Variants in MAP2K5 observed in about 807,000 individuals in gnomAD.
The protein encoded by MAP2K5 is mitogen-activated protein kinase kinase 5, also known as dual specificity mitogen-activated protein kinase kinase 5.
MAP2K5 carries 49 observed loss-of-function variants against 83.1 expected under a neutral mutation model. That is an observed-to-expected ratio of 0.59 (90% CI 0.47 to 0.75). The LOEUF (loss-of-function observed/expected upper bound fraction) is 0.75. Ranked by LOEUF, MAP2K5 falls within the 30% of genes least tolerant of loss-of-function variation. MAP2K5 has a pLI of 0.00. For synonymous variants in MAP2K5, 202 were observed against 191.8 expected (o/e 1.05, Z -0.44); for missense variants, 457 against 557.5 (o/e 0.82, Z 1.82).
intron 15 of MAP2K5, among the ~76,000 whole-genome samples, chr15:67,694,823 G>A (rs550355641): frequency 7.2e-5 from 11 of 152,030 alleles, no homozygotes; most frequent in Admixed American, 5.2e-4. Context: ...TGTTTATTGT[G>A]GCATTATTCA....
chr15:67,732,860 C>T (rs988097840), intron 17 of MAP2K5, among the ~76,000 whole-genome samples: 6 of 152,220 alleles, frequency 3.9e-5, no homozygotes, highest in African/African-American at 1.4e-4. Context: ...TTTTCACTGG[C>T]ATGGGAGAGT....
At chr15:67,715,057 A>T (rs2088796545) in intron 16 of MAP2K5, among the ~76,000 whole-genome samples, 1 of 152,138 alleles carries the variant, frequency 6.6e-6, no homozygotes, top group African/African-American at 2.4e-5. Flanking sequence ...TCCATGGAAG[A>T]TTTTATAGGA....
In MAP2K5 at chr15:67,666,193, C is replaced by G. The variant is rs193116027; in HGVS notation, c.847+1548C>G. ...CTGTCTCTGGGCATACAGGTTAATT[C>G]TGGCTTGTAATGAAATCCCTCTCTA... On this transcript the variant is annotated intron_variant, in intron 13 of 21. Coordinates refer to ENST00000178640, the MANE Select transcript of MAP2K5 (RefSeq NM_145160.3). 7.5e-4 allele frequency among the ~76,000 whole-genome samples: 114 copies of G among 152,256 alleles called. 2 individuals are homozygous for G. The highest frequency in any genetic ancestry group is 5.8e-3 in the Admixed American group (89 of 15,272).
chr15:67,606,808 C>T (rs961115532), intron 8 of MAP2K5, among the ~76,000 whole-genome samples: 14 of 152,108 alleles, frequency 9.2e-5, no homozygotes, highest in Non-Finnish European at 1.8e-4. Context: ...CATAAATTGT[C>T]TAGTTAAATG....
At chr15:67,556,419 C>G (rs536419806) in intron 2 of MAP2K5, among the ~76,000 whole-genome samples, 2 of 152,154 alleles carry the variant, frequency 1.3e-5, no homozygotes, top group African/African-American at 4.8e-5. Context: ...TTTTTTCCTT[C>G]TACTTTAATG....
rs2084995441 is a variant in MAP2K5 at position 67,573,696 on chromosome 15, A to G, written c.253-7058A>G. 6.6e-6 allele frequency among the ~76,000 whole-genome samples: 1 copy of G among 152,162 alleles called. No individual in the cohort carries two copies. Among genetic ancestry groups the G allele is most frequent in the Admixed American group, 6.5e-5 (1 of 15,288 alleles). ...AGAGTTAAGGGAACAGGTTAATAGC[A>G]TTTACCAAACAGATTCAGGACTTAA... On this transcript the variant is annotated intron_variant, in intron 3 of 21. Transcript: ENST00000178640. The surrounding 1 kb of genome is among the most constrained non-coding windows in gnomAD (Gnocchi z 4.2).
chr15:67,754,262 A>G (rs549439551), intron 19 of MAP2K5, among the ~76,000 whole-genome samples: 1 of 152,310 alleles, frequency 6.6e-6, no homozygotes, highest in South Asian at 2.1e-4. Flanking sequence ...TTTTATCTAA[A>G]TTTTAAATGT....
rs998654889 is a variant in MAP2K5, at chr15:67,552,965, A to G, written c.184+2883A>G. ...CATGGTAAAAAGAAGTTTACTTTGTACTTTTTACTTGCTTTTCGGATCCCC... is the reference window on the plus strand; with the variant it reads ...CATGGTAAAAAGAAGTTTACTTTGTGCTTTTTACTTGCTTTTCGGATCCCC... On this transcript the variant is annotated intron_variant, in intron 2 of 21. Coordinates refer to ENST00000178640, the MANE Select transcript of MAP2K5 (RefSeq NM_145160.3). This position sits in a 1 kb window ranked among gnomAD's most constrained non-coding sequence, Gnocchi z 4.2. Among the ~76,000 whole-genome samples the G allele has an allele frequency of 6.6e-6, 1 of 152,136 alleles. No homozygotes were observed. Among genetic ancestry groups the G allele is most frequent in the Non-Finnish European group, 1.5e-5 (1 of 68,028 alleles).
intron 8 of MAP2K5, among the ~76,000 whole-genome samples, chr15:67,630,473 C>G (rs1032334790): frequency 6.6e-6 from 1 of 151,394 alleles, no homozygotes; most frequent in Non-Finnish European, 1.5e-5. Context: ...AAAAAAAAAG[C>G]AAAATGGCTC....
Position 67,757,575 on chromosome 15 carries a change from A to G in MAP2K5, c.1134+8974A>G, listed in dbSNP as rs898467297. Among the ~76,000 whole-genome samples the G allele has an allele frequency of 3.9e-5, 6 of 152,162 alleles. No individual in the cohort carries two copies. The highest frequency in any genetic ancestry group is 8.8e-5 in the Non-Finnish European group (6 of 68,022). ...CATTCTGTAAACCTGTGTTAATCCC[A>G]GAGCTCGGTACCGGGGATAGAGAAT... On this transcript the variant is annotated intron_variant, in intron 19 of 21. Coordinates refer to ENST00000178640, the MANE Select transcript of MAP2K5 (RefSeq NM_145160.3). This position sits in a 1 kb window ranked among gnomAD's most constrained non-coding sequence, Gnocchi z 4.9.
chr15:67,672,843 G>T (rs1200864635), intron 13 of MAP2K5, among the ~76,000 whole-genome samples: 1 of 151,114 alleles, frequency 6.6e-6, no homozygotes, highest in African/African-American at 2.4e-5. Context: ...TTTGTATAAG[G>T]TGTAAGGAAG....
At chr15:67,740,871 T>C (rs1274032609) in intron 17 of MAP2K5, among the ~76,000 whole-genome samples, 1 of 151,874 alleles carries the variant, frequency 6.6e-6, no homozygotes, top group African/African-American at 2.4e-5. Context: ...CTACTAAAAA[T>C]ACAAAAATTA....
At chr15:67,673,299 A>G (rs1448686456) in intron 13 of MAP2K5, among the ~76,000 whole-genome samples, 13 of 152,256 alleles carry the variant, frequency 8.5e-5, no homozygotes, top group African/African-American at 3.1e-4. Context: ...CTTTTTAAGG[A>G]AGGAATTTTG....
intron 11 of MAP2K5, among the ~76,000 whole-genome samples, chr15:67,651,419 A>G (rs1326299879): frequency 6.6e-6 from 1 of 152,286 alleles, no homozygotes; most frequent in East Asian, 1.9e-4. Flanking sequence ...GAAATATACA[A>G]TAAATTATTA....
intron 14 of MAP2K5, among the ~76,000 whole-genome samples, chr15:67,693,205 C>A (rs2088160514): frequency 6.6e-6 from 1 of 152,214 alleles, no homozygotes; most frequent in Admixed American, 6.5e-5. Context: ...TGAGTGTGTT[C>A]AAATTCTGCT....
intron 2 of MAP2K5, among the ~76,000 whole-genome samples, chr15:67,560,470 A>G (rs1435388841): frequency 1.3e-5 from 2 of 152,270 alleles, no homozygotes; most frequent in African/African-American, 2.4e-5. Flanking sequence ...TTAACCCACA[A>G]CAACTATTCA....
chr15:67,590,047 T>A (rs2085364142), intron 6 of MAP2K5, among the ~76,000 whole-genome samples: 1 of 152,174 alleles, frequency 6.6e-6, no homozygotes, highest in African/African-American at 2.4e-5. Flanking sequence ...TTTTTCCATA[T>A]ATGTTTCAGC....
chr15:67,596,622 C>T (rs1472724839), intron 7 of MAP2K5, among the ~76,000 whole-genome samples: 3 of 152,138 alleles, frequency 2.0e-5, no homozygotes, highest in Non-Finnish European at 4.4e-5. Flanking sequence ...TACACAACAG[C>T]CCTCCTTTAC....
At chr15:67,580,883 TTA>T (rs769542532) in intron 4 of MAP2K5, 60 bp downstream of exon 4, 122 of 1,139,718 alleles carry the variant, frequency 1.1e-4, no homozygotes, top group Non-Finnish European at 1.4e-4. Flanking sequence ...TCATCAACAG[TTA>T]TGTTTCCAAA....
Sources: gnomAD v4.1 joint callset for allele counts (sites outside exome capture counted in the v4.1 genomes callset) on GRCh38, gnomAD v4.1.1 for gene constraint, Gnocchi (gnomAD v3.1) non-coding constraint, MANE v1.5 for transcripts, NCBI Gene and HGNC (gene_info 2026-07-23, HGNC 2026-07-21) for gene names.